The following ATOSA variants were observed in gnomAD, a reference collection of about 807,000 sequenced individuals.
ATOSA encodes the protein atos homolog protein A.
chr15:52,609,486 G>A, the ATOSA span: 1 of 1,613,768 alleles, frequency 6.2e-7, no homozygotes, highest in South Asian at 1.1e-5. Flanking sequence ...GGAGTAAAGA[G>A]CCTATCAAAG....
At chr15:52,672,860 T>C in the ATOSA span, among the ~76,000 whole-genome samples, 5 of 152,272 alleles carry the variant, frequency 3.3e-5, no homozygotes, top group East Asian at 5.8e-4. Flanking sequence ...GGCAAAAACA[T>C]AGATGGGGTA....
chr15:52,593,585 G>T, the ATOSA span: 1 of 1,567,884 alleles, frequency 6.4e-7, no homozygotes, highest in Non-Finnish European at 8.6e-7. Context: ...TGCCATATAA[G>T]GAGAGGGAGC....
the ATOSA span, chr15:52,600,129 CA>C: frequency 6.3e-7 from 1 of 1,580,748 alleles, no homozygotes; most frequent in East Asian, 2.2e-5. Context: ...CACATTACCT[CA>C]AAATTTCCTA....
At chr15:52,610,439 T>C in the ATOSA span, 3 of 1,481,036 alleles carry the variant, frequency 2.0e-6, no homozygotes, top group Admixed American at 2.2e-5. Context: ...AGATCCTTAT[T>C]ATTGTATATT....
At chr15:52,702,669 C>A in the ATOSA span, among the ~76,000 whole-genome samples, 6 of 151,014 alleles carry the variant, frequency 4.0e-5, no homozygotes, top group African/African-American at 1.5e-4. Context: ...TGCTCAGTAC[C>A]TGGATGACAG....
At chr15:52,591,292 G>A in the ATOSA span, among the ~76,000 whole-genome samples, 1 of 152,144 alleles carries the variant, frequency 6.6e-6, no homozygotes, top group Non-Finnish European at 1.5e-5. Context: ...GTGCAATGAC[G>A]CGATCTCGGC....
At chr15:52,664,475 C>T in the ATOSA span, among the ~76,000 whole-genome samples, 5 of 151,990 alleles carry the variant, frequency 3.3e-5, no homozygotes, top group Admixed American at 2.0e-4. Context: ...AAAAGAATTG[C>T]TATTCCCATT....
chr15:52,611,145 C>T, the ATOSA span: 7 of 1,613,098 alleles, frequency 4.3e-6, no homozygotes, highest in South Asian at 4.4e-5. Flanking sequence ...GAGAATATTT[C>T]GTGGAATAGC....
the ATOSA span, among the ~76,000 whole-genome samples, chr15:52,661,166 T>C: frequency 8.5e-5 from 13 of 152,246 alleles, no homozygotes; most frequent in Non-Finnish European, 1.8e-4. Flanking sequence ...CATCTCTTTC[T>C]CAGCTTCCTA....
At chr15:52,598,223 A>T in the ATOSA span, among the ~76,000 whole-genome samples, 1 of 152,334 alleles carries the variant, frequency 6.6e-6, no homozygotes, top group African/African-American at 2.4e-5. Context: ...GCTTAAAAAA[A>T]TCACAAAAAA....
chr15:52,584,100 A>G, the ATOSA span, among the ~76,000 whole-genome samples: 16 of 151,074 alleles, frequency 1.1e-4, no homozygotes, highest in Admixed American at 3.3e-4. Flanking sequence ...GAAAAAAAAA[A>G]AAAAAAAAAA....
At chr15:52,630,876 A>G in the ATOSA span, among the ~76,000 whole-genome samples, 1 of 152,366 alleles carries the variant, frequency 6.6e-6, no homozygotes, top group African/African-American at 2.4e-5. Context: ...AGCTACATAC[A>G]GGTTGTAGAA....
the ATOSA span, among the ~76,000 whole-genome samples, chr15:52,679,755 T>TCCC: frequency 1.8e-5 from 1 of 56,232 alleles, no homozygotes; most frequent in Admixed American, 2.0e-4. Context: ...ATAGTCGTCG[T>TCCC]CTCCTCCTCC....
chr15:52,606,286 C>T, the ATOSA span, among the ~76,000 whole-genome samples: 10 of 152,138 alleles, frequency 6.6e-5, no homozygotes, highest in South Asian at 4.1e-4. Flanking sequence ...ATGTTTTTGA[C>T]GTGATACAAG....
the ATOSA span, among the ~76,000 whole-genome samples, chr15:52,689,786 T>C: frequency 6.6e-6 from 1 of 152,176 alleles, no homozygotes; most frequent in African/African-American, 2.4e-5. Context: ...ATGGTGCTGA[T>C]GGGAAGGTAG....
the ATOSA span, among the ~76,000 whole-genome samples, chr15:52,583,390 GTCAT>G: frequency 0.59 from 89,663 of 150,742 alleles, 28,758 homozygotes; most frequent in Non-Finnish European, 0.72. Context: ...TTCATACCAT[GTCAT>G]TCATTCATTC....
chr15:52,599,852 A>G, the ATOSA span, among the ~76,000 whole-genome samples: 1 of 152,186 alleles, frequency 6.6e-6, no homozygotes, highest in African/African-American at 2.4e-5. Context: ...GATGTGGTCA[A>G]ATCTATGCTC....
chr15:52,701,520 G>T, the ATOSA span, among the ~76,000 whole-genome samples: 428 of 152,252 alleles, frequency 2.8e-3, 4 homozygotes, highest in African/African-American at 0.01. Context: ...CAGTACAACT[G>T]GTTAGCCATT....
chr15:52,656,048 TA>T, the ATOSA span: 2 of 152,012 alleles, frequency 1.3e-5, no homozygotes, highest in Non-Finnish European at 2.9e-5. Flanking sequence ...AGCAATACAT[TA>T]GCATACATTA....
Sources: allele counts gnomAD v4.1 joint callset (sites outside exome capture counted in the v4.1 genomes callset), GRCh38; gene constraint gnomAD v4.1.1; transcripts MANE v1.5; gene names NCBI Gene and HGNC (gene_info 2026-07-23, HGNC 2026-07-21).